USH2A: variants seen among roughly 807,000 people sequenced by gnomAD.
The protein encoded by USH2A is usherin.
A neutral mutation model predicts 538.9 loss-of-function variants in USH2A; 443 were observed. The ratio of observed to expected loss-of-function variants is 0.82; its 90% CI spans 0.76 to 0.89. The LOEUF (loss-of-function observed/expected upper bound fraction) is 0.89. Ranked by LOEUF, USH2A falls within the 40% of genes least tolerant of loss-of-function variation. The pLI, the probability that USH2A is intolerant of heterozygous loss-of-function variation, is 0.00. For missense variants in USH2A, 6,633 were observed against 6,324.8 expected (o/e 1.05, Z -1.65); for synonymous variants, 2,413 against 2,273.5 (o/e 1.06, Z -1.75).
rs1181560725 is a variant in USH2A, at chr1:216,058,410, A to G, written c.6050-9763T>C. On this transcript the variant is annotated intron_variant, in intron 30 of 71. Transcript: ENST00000307340. Reference sequence around the variant, plus strand: ...TTTAGTGTTATAAAAATCATGTTACAATGATAGGGCCTAGCACTAGCATGG... The same window carrying G: ...TTTAGTGTTATAAAAATCATGTTACGATGATAGGGCCTAGCACTAGCATGG... 3.4e-5 allele frequency among the ~76,000 whole-genome samples: 5 copies of G among 149,206 alleles called. 1 individual carries two copies. Among genetic ancestry groups the G allele is most frequent in the African/African-American group, 1.3e-4 (5 of 39,552 alleles).
chr1:216,250,884 A>G lies in USH2A; in HGVS notation c.2167+19T>C. The G allele has an allele frequency of 6.2e-7, 1 of 1,613,066 alleles. No individual in the cohort carries two copies. The highest frequency in any genetic ancestry group is 8.5e-7 in the Non-Finnish European group (1 of 1,179,444). ...GATGGTAATAGAGATGTGACTGTAA[A>G]CTTTTGCGTTACACGTACCAATAAC... is the stretch of plus-strand genomic sequence containing the variant. On this transcript the variant is annotated intron_variant, in intron 12 of 71. Coordinates refer to ENST00000307340, the MANE Select transcript of USH2A (RefSeq NM_206933.4).
intron 21 of USH2A, among the ~76,000 whole-genome samples, chr1:216,168,782 A>G (rs893133037): frequency 5.3e-5 from 8 of 152,128 alleles, no homozygotes; most frequent in Admixed American, 5.2e-4. Context: ...TGAAATAGCT[A>G]TCACCACCCA....
intron 60 of USH2A, among the ~76,000 whole-genome samples, chr1:215,729,775 T>G (rs903684047): frequency 6.6e-6 from 1 of 152,130 alleles, no homozygotes; most frequent in Non-Finnish European, 1.5e-5. Flanking sequence ...GGACTACAGA[T>G]GTGTGCTACT....
At chr1:216,052,386 A>G (rs1349902239) in intron 30 of USH2A, among the ~76,000 whole-genome samples, 4 of 151,944 alleles carry the variant, frequency 2.6e-5, no homozygotes, top group Non-Finnish European at 5.9e-5. Context: ...AAAGAAAGAA[A>G]AAGAAGAAAG....
chr1:216,276,016 A>G (rs1167605481), intron 11 of USH2A, among the ~76,000 whole-genome samples: 1 of 152,060 alleles, frequency 6.6e-6, no homozygotes, highest in Non-Finnish European at 1.5e-5. Flanking sequence ...TTTGGTAGGA[A>G]CCCTATGTCT....
intron 3 of USH2A, among the ~76,000 whole-genome samples, chr1:216,390,850 T>C (rs1397467798): frequency 1.3e-5 from 2 of 152,202 alleles, no homozygotes; most frequent in African/African-American, 2.4e-5. Flanking sequence ...TCCTTAAAAT[T>C]AATCATTACT....
chr1:216,410,541 G>T (rs557978865), intron 3 of USH2A, among the ~76,000 whole-genome samples: 2 of 151,088 alleles, frequency 1.3e-5, no homozygotes, highest in East Asian at 3.9e-4. Context: ...TAATGCCTGC[G>T]CCCCACCTAG....
intron 32 of USH2A, among the ~76,000 whole-genome samples, chr1:216,008,953 G>T (rs1668475748): frequency 6.8e-6 from 1 of 148,006 alleles, no homozygotes; most frequent in African/African-American, 2.4e-5. Context: ...CTGCCTTTCT[G>T]GGGGGCAAGA....
intron 14 of USH2A, among the ~76,000 whole-genome samples, chr1:216,231,296 G>C (rs1419330847): frequency 4.5e-5 from 3 of 67,208 alleles, no homozygotes; most frequent in South Asian, 5.9e-4. Flanking sequence ...GAGAGACAGA[G>C]AGAGAGAGAG....
At chr1:216,378,055 C>A (rs1262119966) in intron 3 of USH2A, among the ~76,000 whole-genome samples, 1 of 151,624 alleles carries the variant, frequency 6.6e-6, no homozygotes, top group Non-Finnish European at 1.5e-5. Context: ...GGTGGACATG[C>A]CTCAGAAGGT....
intron 37 of USH2A, among the ~76,000 whole-genome samples, chr1:215,943,184 G>A (rs750976882): frequency 8.6e-5 from 13 of 151,950 alleles, no homozygotes; most frequent in African/African-American, 2.2e-4. Context: ...ATAATATATC[G>A]AGTATTATAC....
intron 14 of USH2A, among the ~76,000 whole-genome samples, chr1:216,219,820 T>C (rs535994508): frequency 1.6e-4 from 25 of 152,170 alleles, no homozygotes; most frequent in Admixed American, 2.6e-4. Context: ...AAGATTTATA[T>C]AGATAAACAA....
intron 37 of USH2A, among the ~76,000 whole-genome samples, chr1:215,960,359 T>A (rs76674307): frequency 0.038 from 5,856 of 152,192 alleles, 168 homozygotes; most frequent in South Asian, 0.083. Flanking sequence ...TTTTATTTTT[T>A]AAAAATTATA....
chr1:215,775,164 A>T (rs983972955), intron 55 of USH2A, among the ~76,000 whole-genome samples: 8 of 152,134 alleles, frequency 5.3e-5, no homozygotes, highest in Non-Finnish European at 8.8e-5. Flanking sequence ...TACTGCAGCT[A>T]ATTCCAGACT....
intron 9 of USH2A, among the ~76,000 whole-genome samples, chr1:216,302,902 A>G (rs2037241670): frequency 6.6e-6 from 1 of 152,070 alleles, no homozygotes; most frequent in Admixed American, 6.6e-5. Flanking sequence ...AATATAATTG[A>G]TAGCCTATTT....
chr1:215,680,406 GTT>G lies in USH2A; in HGVS notation c.12067-32_12067-31del, dbSNP rs5780842. ...AAGAAAATTAACAGGTTAAGTTGTT[GTT>G]TTTTTTTTTTGAAACTGACAATATT... On this transcript the variant is annotated intron_variant, in intron 61 of 71. Coordinates refer to ENST00000307340, the MANE Select transcript of USH2A (RefSeq NM_206933.4). 5,566 of 1,181,894 alleles carry G rather than the reference GTT, an allele frequency of 4.7e-3. 16 individuals carry two copies. The highest frequency in any genetic ancestry group is 0.02 in the African/African-American group (1,361 of 66,952). 73.2% of individuals were successfully genotyped at this position (1,181,894 alleles called of 1,614,324 possible).
At chr1:216,303,258 C>A (rs2037247724) in intron 9 of USH2A, among the ~76,000 whole-genome samples, 1 of 151,962 alleles carries the variant, frequency 6.6e-6, no homozygotes, top group South Asian at 2.1e-4. Flanking sequence ...TAATTTAACC[C>A]TATTGATATT....
At chr1:216,173,057 C>A (rs771907339) in intron 21 of USH2A, among the ~76,000 whole-genome samples, 2 of 152,074 alleles carry the variant, frequency 1.3e-5, no homozygotes, top group Non-Finnish European at 2.9e-5. Context: ...AAAAGAGCTA[C>A]TTTATAGGGT....
In USH2A at chr1:215,844,367, T is replaced by C. The variant is rs1368683731; in HGVS notation, c.9185A>G (p.Tyr3062Cys). The change falls in exon 46 of 72, where the codon TAC becomes TGC. Residue 3062 changes from tyrosine (Y) to cysteine (C), a missense_variant. Coordinates refer to ENST00000307340, the MANE Select transcript of USH2A (RefSeq NM_206933.4). ...CCCAGGCACATTCATTCCAGTCTTG[T>C]AGAGCTTATTATTTACATAGATAGA... Reference protein sequence around the residue: ...EYSIYVNNKLYKTGMNVPGSF... With the variant: ...EYSIYVNNKLCKTGMNVPGSF... 3 of 1,613,724 alleles carry C rather than the reference T, an allele frequency of 1.9e-6. No individual in the cohort carries two copies. In the African/African-American group the frequency reaches 4.0e-5, roughly 22 times the overall value.
Sources: allele counts gnomAD v4.1 joint callset (sites outside exome capture counted in the v4.1 genomes callset), GRCh38; gene constraint gnomAD v4.1.1; transcripts MANE v1.5; gene names NCBI Gene and HGNC (gene_info 2026-07-23, HGNC 2026-07-21).